EFCAB13: variants seen among roughly 807,000 people sequenced by gnomAD.
The protein encoded by EFCAB13 is EF-hand calcium binding domain 13.
EFCAB13 carries 91 observed loss-of-function variants against 110.2 expected under a neutral mutation model. That is an observed-to-expected ratio of 0.83 (90% confidence interval 0.70 to 0.98). The LOEUF is 0.98. Ranked by LOEUF, EFCAB13 falls within the 50% of genes least tolerant of loss-of-function variation. The pLI, the probability that EFCAB13 is intolerant of heterozygous loss-of-function variation, is 0.00. For missense variants in EFCAB13, 968 were observed against 1,119.4 expected (o/e 0.86, Z 1.93); for synonymous variants, 323 against 369.9 (o/e 0.87, Z 1.45).
At chr17:47,389,744 A>C (rs2143406029) in intron 14 of EFCAB13, among the ~76,000 whole-genome samples, 1 of 152,260 alleles carries the variant, frequency 6.6e-6, no homozygotes. Context: ...GGATGTATAG[A>C]AGCTGAGCTG....
intron 14 of EFCAB13, among the ~76,000 whole-genome samples, chr17:47,380,553 G>T (rs1394737068): frequency 6.6e-6 from 1 of 152,194 alleles, no homozygotes; most frequent in Non-Finnish European, 1.5e-5. Flanking sequence ...ATGTGCATGT[G>T]TCTTTATAGT....
At chr17:47,345,198 T>A (rs2065408464) in intron 8 of EFCAB13, 100 bp downstream of exon 8, 1 of 789,290 alleles carries the variant, frequency 1.3e-6, no homozygotes, top group Non-Finnish European at 2.0e-6. Flanking sequence ...TCCTAATGGC[T>A]TATGGTATCA....
intron 23 of EFCAB13, among the ~76,000 whole-genome samples, chr17:47,424,529 G>T (rs1489471107): frequency 6.6e-6 from 1 of 152,154 alleles, no homozygotes; most frequent in Non-Finnish European, 1.5e-5. Context: ...ATCTGAATGG[G>T]ACAGATACTT....
intron 4 of EFCAB13, among the ~76,000 whole-genome samples, chr17:47,333,643 C>A (rs557964085): frequency 6.6e-5 from 10 of 152,232 alleles, no homozygotes; most frequent in African/African-American, 2.4e-4. Flanking sequence ...TTTCATTTTT[C>A]TGCAGAAGGA....
At chr17:47,369,216 G>A (rs1306893229) in intron 10 of EFCAB13, among the ~76,000 whole-genome samples, 1 of 152,164 alleles carries the variant, frequency 6.6e-6, no homozygotes, top group Non-Finnish European at 1.5e-5. Context: ...TATTCACAGG[G>A]TTTTATTTTG....
intron 5 of EFCAB13, among the ~76,000 whole-genome samples, chr17:47,336,350 G>T (rs978727696): frequency 1.1e-4 from 16 of 149,842 alleles, no homozygotes; most frequent in Admixed American, 9.4e-4. Context: ...GGAGTGTAGT[G>T]GCACGATCTT....
Position 47,440,775 on chromosome 17 carries a change from T to C in EFCAB13, c.*61T>C. 7.7e-7 allele frequency: 1 copy of C among 1,304,434 alleles called. No individual in the cohort carries two copies. Among genetic ancestry groups the C allele is most frequent in the East Asian group, 2.5e-5 (1 of 40,046 alleles). 80.8% of individuals were successfully genotyped at this position (1,304,434 alleles called of 1,614,324 possible). A position where few individuals can be genotyped will look rare whatever the true frequency, so the allele number is the denominator to read the frequency against. The stretch of plus-strand genomic sequence containing the variant: ...TTATATATTATTCAGTATGCATATT[T>C]GACTTCTGAAATTATTAGAAAATAA... On this transcript the variant is annotated 3_prime_UTR_variant, in exon 25 of 25. Coordinates refer to ENST00000331493, the MANE Select transcript of EFCAB13 (RefSeq NM_152347.5).
At position 47,370,386 on chromosome 17, in the gene EFCAB13, A is replaced by T. The variant is rs368856659; in HGVS notation, c.806-51A>T. On this transcript the variant is annotated intron_variant, in intron 10 of 24. Coordinates refer to ENST00000331493, the MANE Select transcript of EFCAB13 (RefSeq NM_152347.5). ...TTTTCATATTAGAATAGGATGGCAG[A>T]TATATCTATGTTCAAAAGTAAATAC... 6 of 1,217,682 alleles carry T rather than the reference A, an allele frequency of 4.9e-6. No homozygotes were observed. The East Asian group carries it at 1.4e-4, about 29-fold the overall frequency. 75.4% of individuals were successfully genotyped at this position (1,217,682 alleles called of 1,614,324 possible).
In EFCAB13 at chr17:47,391,583, G is replaced by T. The variant is rs1230803716; in HGVS notation, c.1726+3G>T. The stretch of plus-strand genomic sequence containing the variant: ...CACAGAACTGACTGAAGCTGGTGGT[G>T]AGTGATATATTTTCAGGCAAACTGC... On this transcript the variant is annotated splice_donor_region_variant and intron_variant, in intron 15 of 24. Coordinates refer to ENST00000331493, the MANE Select transcript of EFCAB13 (RefSeq NM_152347.5). 6.4e-7 allele frequency: 1 copy of T among 1,561,950 alleles called. No individual in the cohort carries two copies. The highest frequency in any genetic ancestry group is 1.3e-5 in the South Asian group (1 of 78,250).
intron 9 of EFCAB13, among the ~76,000 whole-genome samples, chr17:47,356,000 C>T (rs1045265608): frequency 2.6e-5 from 4 of 152,028 alleles, no homozygotes; most frequent in Non-Finnish European, 1.5e-5. Context: ...TGAGACTTTC[C>T]AGCACATTTT....
intron 23 of EFCAB13, among the ~76,000 whole-genome samples, chr17:47,416,802 T>A (rs1904466686): frequency 6.6e-6 from 1 of 152,206 alleles, no homozygotes; most frequent in African/African-American, 2.4e-5. Flanking sequence ...TACAATTGAC[T>A]CTTGAACAAT....
At chr17:47,344,665 A>G (rs1260742054) in intron 7 of EFCAB13, among the ~76,000 whole-genome samples, 1 of 152,112 alleles carries the variant, frequency 6.6e-6, no homozygotes, top group Non-Finnish European at 1.5e-5. Flanking sequence ...AGGTGATGGA[A>G]TCTGAGATTC....
intron 9 of EFCAB13, among the ~76,000 whole-genome samples, chr17:47,349,715 A>G (rs955963261): frequency 3.3e-5 from 5 of 149,928 alleles, no homozygotes; most frequent in African/African-American, 1.2e-4. Flanking sequence ...TAGTTAATGG[A>G]ATGCTGGATT....
intron 4 of EFCAB13, among the ~76,000 whole-genome samples, chr17:47,331,993 A>C (rs1451115305): frequency 1.3e-5 from 2 of 152,166 alleles, no homozygotes; most frequent in African/African-American, 4.8e-5. Flanking sequence ...ATTGCTTTCA[A>C]GTTTTGGCAA....
intron 9 of EFCAB13, among the ~76,000 whole-genome samples, chr17:47,350,483 A>G (rs2065443149): frequency 6.6e-6 from 1 of 151,886 alleles, no homozygotes; most frequent in Non-Finnish European, 1.5e-5. Flanking sequence ...TTTGTTCACC[A>G]CTCTTACCTT....
chr17:47,338,366 C>G (rs1272744020), intron 5 of EFCAB13, among the ~76,000 whole-genome samples: 1 of 151,688 alleles, frequency 6.6e-6, no homozygotes, highest in East Asian at 1.9e-4. Flanking sequence ...TCTCCTACCT[C>G]AGACTCCTGA....
intron 20 of EFCAB13, 76 bp downstream of exon 20, chr17:47,404,709 A>C: frequency 8.7e-7 from 1 of 1,152,970 alleles, no homozygotes; most frequent in African/African-American, 1.5e-5. Flanking sequence ...AAAACCCTAA[A>C]TTTGGTGTTT....
At chr17:47,375,910 A>C (rs1441676979) in intron 12 of EFCAB13, among the ~76,000 whole-genome samples, 1 of 152,186 alleles carries the variant, frequency 6.6e-6, no homozygotes, top group East Asian at 1.9e-4. Context: ...GGAAAAAATA[A>C]TACTATATAT....
At chr17:47,417,690 T>TC (rs1904497466) in intron 23 of EFCAB13, among the ~76,000 whole-genome samples, 1 of 152,226 alleles carries the variant, frequency 6.6e-6, no homozygotes, top group African/African-American at 2.4e-5. Context: ...CCATTTTTTT[T>TC]CTCGCCATTT....
Sources: allele counts gnomAD v4.1 joint callset (sites outside exome capture counted in the v4.1 genomes callset), GRCh38; gene constraint gnomAD v4.1.1; transcripts MANE v1.5; gene names NCBI Gene and HGNC (gene_info 2026-07-23, HGNC 2026-07-21).